The following USP34 variants were observed in gnomAD, a reference collection of about 807,000 sequenced individuals.
The protein encoded by USP34 is ubiquitin specific peptidase 34.
USP34 carries 70 observed loss-of-function variants against 460.3 expected under a neutral mutation model. The observed-to-expected ratio is 0.15, with a 90% CI of 0.13 to 0.19. The LOEUF (loss-of-function observed/expected upper bound fraction) is 0.19. Ranked by LOEUF, USP34 falls within the 10% of genes least tolerant of loss-of-function variation. USP34 has a pLI of 1.00. For missense variants in USP34, 3,985 were observed against 4,236.2 expected (o/e 0.94, Z 1.65); for synonymous variants, 1,647 against 1,405.3 (o/e 1.17, Z -3.85).
chr2:61,228,688 G>A lies in USP34; in HGVS notation c.7400C>T (p.Ser2467Phe). Residue 2467 changes from serine (S) to phenylalanine (F), a missense_variant, in exon 61 of 80, where the codon TCT becomes TTT. Physicochemically the swap from Ser to Phe is radical, Grantham distance 155 (BLOSUM62 -2). This residue lies in a region of USP34 where 604 missense variants were observed against 684.8 expected (regional missense o/e 0.88). Coordinates refer to ENST00000398571, the MANE Select transcript of USP34 (RefSeq NM_014709.4). Reference protein sequence around the residue: ...SQFLLSLQAISTMVHFYMGTK... With the variant: ...SQFLLSLQAIFTMVHFYMGTK... Reference sequence around the variant, plus strand: ...TCCCATGTAAAAATGTACCATTGTAGATATAGCTTGCAATGAAAGCAAAAA... The same window carrying A: ...TCCCATGTAAAAATGTACCATTGTAAATATAGCTTGCAATGAAAGCAAAAA... 1.2e-6 allele frequency: 2 copies of A among 1,611,446 alleles called. No individual in the cohort carries two copies. Among genetic ancestry groups the A allele is most frequent in the Non-Finnish European group, 1.7e-6 (2 of 1,179,098 alleles).
intron 61 of USP34, among the ~76,000 whole-genome samples, chr2:61,227,615 G>A (rs1366935653): frequency 6.6e-6 from 1 of 152,064 alleles, no homozygotes; most frequent in Admixed American, 6.6e-5. Flanking sequence ...GGAGGCTGAG[G>A]CAGGAAAATC....
intron 51 of USP34, among the ~76,000 whole-genome samples, chr2:61,244,639 C>G: frequency 6.8e-6 from 1 of 146,626 alleles, no homozygotes; most frequent in South Asian, 2.2e-4. Flanking sequence ...AAAAAAAAGT[C>G]TTTTCTCAAT....
At chr2:61,355,038 C>T (rs1037471643) in intron 10 of USP34, among the ~76,000 whole-genome samples, 4 of 152,088 alleles carry the variant, frequency 2.6e-5, no homozygotes, top group African/African-American at 4.8e-5. Context: ...AGGCACTCCC[C>T]GAGGAAAGGG....
intron 16 of USP34, among the ~76,000 whole-genome samples, chr2:61,343,022 C>T (rs1004323490): frequency 7.9e-5 from 12 of 152,098 alleles, no homozygotes; most frequent in African/African-American, 2.9e-4. Flanking sequence ...AAAACACATA[C>T]AAATCAGTAA....
At position 61,430,753 on chromosome 2, in the gene USP34, C is replaced by A. The variant is rs577291603; in HGVS notation, c.44-9920G>T. Among the ~76,000 whole-genome samples, 5 of 152,080 alleles carry A rather than the reference C, an allele frequency of 3.3e-5. No homozygotes were observed. The South Asian group carries it at 8.3e-4, about 25-fold the overall frequency. On this transcript the variant is annotated intron_variant, in intron 1 of 79. Coordinates refer to ENST00000398571, the MANE Select transcript of USP34 (RefSeq NM_014709.4). ...ATATAAGGGAAATTGAATGCTATTT[C>A]GTATTAAGAAATTACTCTTGGGAGA...
intron 6 of USP34, among the ~76,000 whole-genome samples, chr2:61,381,137 T>C (rs928187766): frequency 3.3e-5 from 5 of 150,704 alleles, no homozygotes; most frequent in African/African-American, 1.2e-4. Flanking sequence ...CTGCTGACCT[T>C]CCCTCCACTA....
intron 70 of USP34, chr2:61,208,403 A>C (rs907935314): frequency 6.6e-6 from 1 of 152,200 alleles, no homozygotes; most frequent in Non-Finnish European, 1.5e-5. Context: ...GTATAAAATC[A>C]AGCTGTGTCC....
At chr2:61,211,633 T>G in intron 69 of USP34, 139 bp downstream of exon 69, 1 of 936,098 alleles carries the variant, frequency 1.1e-6, no homozygotes, top group Non-Finnish European at 1.5e-6. Flanking sequence ...TTAAAAGTAG[T>G]TCATGAACCT....
In USP34 at chr2:61,348,335, C is replaced by G; in HGVS notation, c.1820G>C (p.Ser607Thr). The part of the protein sequence containing the change: ...HASQSAGSPG[S>T]EVQSEDIADI... ...TGCAATGTCTTCTGACTGTACCTCA[C>G]TGCCAGGGCTCCCAGCTGACTGGCT... The change falls in exon 15 of 80, where the codon AGT (serine) becomes ACT (threonine). Residue 607 changes from serine (S) to threonine (T), a missense_variant. By Grantham distance (58) the Ser-to-Thr change is moderately conservative (BLOSUM62 1). Around this residue, in one of 14 missense-constraint regions of USP34, gnomAD observed 716 missense variants for 626.2 expected, o/e 1.14. Transcript: ENST00000398571. The G allele has an allele frequency of 6.2e-7, 1 of 1,614,196 alleles. No individual in the cohort carries two copies. Among genetic ancestry groups the G allele is most frequent in the Non-Finnish European group, 8.5e-7 (1 of 1,180,042 alleles).
At chr2:61,284,706 C>T (rs192836708) in intron 35 of USP34, among the ~76,000 whole-genome samples, 169 bp downstream of exon 35, 103 of 152,196 alleles carry the variant, frequency 6.8e-4, no homozygotes, top group African/African-American at 2.2e-3. Context: ...ATACAAGACA[C>T]ATTTTAGCAA....
intron 38 of USP34, 91 bp from the exon 39 acceptor site, chr2:61,280,439 T>C (rs1572896771): frequency 3.4e-6 from 2 of 592,050 alleles, no homozygotes; most frequent in East Asian, 3.4e-5. Context: ...ATGAAATAAA[T>C]TCCTATATCC....
chr2:61,425,136 GGT>G (rs1211700892), intron 1 of USP34, among the ~76,000 whole-genome samples: 1 of 152,102 alleles, frequency 6.6e-6, no homozygotes, highest in African/African-American at 2.4e-5. Context: ...ACTGAAAACA[GGT>G]GGGAGGCAGA....
rs1347856736 is a variant in USP34, at chr2:61,203,901, TAGA to T, written c.9384+352_9384+354del. 1.6e-4 allele frequency among the ~76,000 whole-genome samples: 24 copies of T among 148,936 alleles called. No homozygotes were observed. The Admixed American group carries it at 1.6e-3, about 10-fold the overall frequency. ...TCAAAGGAATATAATTTAAGGGAAG[TAGA>T]AGAAGTCATTGATTATATGGCCAAA... On this transcript the variant is annotated intron_variant, in intron 74 of 79. Coordinates refer to ENST00000398571, the MANE Select transcript of USP34 (RefSeq NM_014709.4).
chr2:61,250,309 A>G (rs1011926894), intron 48 of USP34: 1 of 186,370 alleles, frequency 5.4e-6, no homozygotes, highest in South Asian at 1.0e-4. Context: ...CAGATTGGAC[A>G]TGGGATTGGT....
intron 53 of USP34, 100 bp downstream of exon 53, chr2:61,241,460 G>T: frequency 1.4e-6 from 1 of 737,706 alleles, no homozygotes; most frequent in Non-Finnish European, 2.2e-6. Context: ...ACTCAGAATT[G>T]CAGATATCAA....
At position 61,405,981 on chromosome 2, in the gene USP34, C is replaced by T. The variant is rs1055935213; in HGVS notation, c.279G>A (p.Thr93=). 24 of 1,613,404 alleles carry T rather than the reference C, an allele frequency of 1.5e-5. No homozygotes were observed. The highest frequency in any genetic ancestry group is 9.9e-5 in the South Asian group (9 of 91,070). The change falls in exon 3 of 80, where the codon ACG becomes ACA. Residue 93 remains threonine (T), a synonymous_variant. Coordinates refer to ENST00000398571, the MANE Select transcript of USP34 (RefSeq NM_014709.4). ...KHCTTINIDS[T]WQDESNQAEE... ...CTGCTTGATTACTCTCATCTTGCCACGTGGAATCTATGTTAATGGTAGTAC... is the reference window on the plus strand; with the variant it reads ...CTGCTTGATTACTCTCATCTTGCCATGTGGAATCTATGTTAATGGTAGTAC...
intron 8 of USP34, among the ~76,000 whole-genome samples, chr2:61,374,977 C>A (rs1297474142): frequency 6.6e-6 from 1 of 152,076 alleles, no homozygotes; most frequent in Non-Finnish European, 1.5e-5. Context: ...TATAGAACAC[C>A]CCACAGAATA....
chr2:61,340,129 G>A (rs1479151193), intron 16 of USP34, among the ~76,000 whole-genome samples: 1 of 151,676 alleles, frequency 6.6e-6, no homozygotes, highest in Non-Finnish European at 1.5e-5. Context: ...GTGTGAATAA[G>A]ACAACATATT....
At chr2:61,336,146 A>ATTTTT (rs5831605) in intron 18 of USP34, among the ~76,000 whole-genome samples, 2 of 145,344 alleles carry the variant, frequency 1.4e-5, no homozygotes. Context: ...TGTCCGCACA[A>ATTTTT]TTTTTTTTTT....
Sources: allele counts gnomAD v4.1 joint callset (sites outside exome capture counted in the v4.1 genomes callset), GRCh38; gene constraint gnomAD v4.1.1; regional missense constraint gnomAD v4.1.1; transcripts MANE v1.5; gene names NCBI Gene and HGNC (gene_info 2026-07-23, HGNC 2026-07-21).